The following CLTC variants were observed in gnomAD, a reference collection of about 807,000 sequenced individuals.
The protein encoded by CLTC is clathrin heavy chain 1.
Under a neutral mutation model 195.8 loss-of-function variants are expected in CLTC, and 16 were observed. The ratio of observed to expected loss-of-function variants is 0.08; its 90% CI spans 0.06 to 0.12. The LOEUF is 0.12. Among genes scored for constraint, CLTC ranks in the 10% least tolerant of loss-of-function variants. The pLI, the probability that CLTC is intolerant of heterozygous loss-of-function variation, is 1.00. For synonymous variants in CLTC, 667 were observed against 689.4 expected (o/e 0.97, Z 0.51); for missense variants, 796 against 2,027.0 (o/e 0.39, Z 11.66).
chr17:59,620,894 T>C (rs576800745), intron 1 of CLTC, among the ~76,000 whole-genome samples: 2 of 152,336 alleles, frequency 1.3e-5, no homozygotes, highest in South Asian at 2.1e-4. Flanking sequence ...CCTTTTTTTA[T>C]TTCTCTGGGG....
rs777013895 is a variant in CLTC, at chr17:59,666,678, G to C, written c.1947+34G>C. The C allele has an allele frequency of 2.7e-5, 43 of 1,591,362 alleles. No individual in the cohort carries two copies. The highest frequency in any genetic ancestry group is 3.5e-5 in the Non-Finnish European group (41 of 1,164,822). ...GTTTCTTACCTAATAGATGGTGTTA[G>C]TTGTGATTAATAGGTACACTGAAAA... is the stretch of plus-strand genomic sequence containing the variant. On this transcript the variant is annotated intron_variant, in intron 12 of 31. Coordinates refer to ENST00000269122, the MANE Select transcript of CLTC (RefSeq NM_004859.4). This position sits in a 1 kb window ranked among gnomAD's most constrained non-coding sequence, Gnocchi z 4.9.
At chr17:59,624,354 G>T (rs1226839838) in intron 1 of CLTC, among the ~76,000 whole-genome samples, 1 of 150,896 alleles carries the variant, frequency 6.6e-6, no homozygotes, top group Non-Finnish European at 1.5e-5. Flanking sequence ...CTCTCTACTT[G>T]TTTATAGATT....
intron 10 of CLTC, among the ~76,000 whole-genome samples, chr17:59,665,872 A>AAAATT (rs1201714139): frequency 6.6e-6 from 1 of 152,158 alleles, no homozygotes; most frequent in East Asian, 1.9e-4. Flanking sequence ...AAAATAAAAT[A>AAAATT]AAGGTCTGTC....
At chr17:59,628,167 G>T (rs996017394) in intron 1 of CLTC, among the ~76,000 whole-genome samples, 1 of 152,112 alleles carries the variant, frequency 6.6e-6, no homozygotes, top group African/African-American at 2.4e-5. Flanking sequence ...ATTGCTGAAA[G>T]AATAGGAACC....
chr17:59,685,451 T>C lies in CLTC; in HGVS notation c.4606-136T>C, dbSNP rs2033164242. ...TTATCTCTTCTTTGAAAATTTTAATTTAAATGATACAACTAGGAGGCTTTT... is the reference window on the plus strand; with the variant it reads ...TTATCTCTTCTTTGAAAATTTTAATCTAAATGATACAACTAGGAGGCTTTT... On this transcript the variant is annotated intron_variant, in intron 29 of 31. Coordinates refer to ENST00000269122, the MANE Select transcript of CLTC (RefSeq NM_004859.4). This position sits in a 1 kb window ranked among gnomAD's most constrained non-coding sequence, Gnocchi z 5.0. 2 of 888,484 alleles carry C rather than the reference T, an allele frequency of 2.3e-6. No homozygotes were observed. The highest frequency in any genetic ancestry group is 6.4e-5 in the Admixed American group (2 of 31,452). The allele number at this position is 888,484 out of a possible 1,614,324, so 55.0% of individuals were successfully genotyped here.
chr17:59,693,380 T>A lies in CLTC; in HGVS notation c.4904-348T>A, dbSNP rs535883555. ...AGATTCTTTTTTTTTTTTTTTTTTT[T>A]AAAAAGTCTTTTAAAAAATTCTTTT... On this transcript the variant is annotated intron_variant, in intron 31 of 31. Coordinates refer to ENST00000269122, the MANE Select transcript of CLTC (RefSeq NM_004859.4). Among the ~76,000 whole-genome samples, 909 of 106,140 alleles carry A rather than the reference T, an allele frequency of 8.6e-3. 7 individuals are homozygous for A. Among genetic ancestry groups the A allele is most frequent in the African/African-American group, 0.019 (594 of 31,218 alleles). 69.6% of individuals were successfully genotyped at this position (106,140 alleles called of 152,430 possible).
intron 16 of CLTC, among the ~76,000 whole-genome samples, chr17:59,675,117 A>G (rs1364028024): frequency 6.6e-6 from 1 of 152,170 alleles, no homozygotes; most frequent in Non-Finnish European, 1.5e-5. Context: ...ATATGTTTTT[A>G]TATAAACTAT....
At chr17:59,633,670 TA>T (rs71370108) in intron 1 of CLTC, among the ~76,000 whole-genome samples, 124,213 of 151,978 alleles carry the variant, frequency 0.82, 51,059 homozygotes, top group East Asian at 0.93. Context: ...GGTAGAAAGA[TA>T]ACATGAATAT....
intron 1 of CLTC, among the ~76,000 whole-genome samples, chr17:59,623,015 C>A (rs2031432125): frequency 6.6e-6 from 1 of 152,174 alleles, no homozygotes; most frequent in Non-Finnish European, 1.5e-5. Context: ...ATTGAAGATT[C>A]TATAAAAATC....
At chr17:59,693,688 G>T (rs776898438) in intron 31 of CLTC, 40 bp from the exon 32 acceptor site, 1 of 1,584,228 alleles carries the variant, frequency 6.3e-7, no homozygotes, top group East Asian at 2.3e-5. Flanking sequence ...CTGCCTCCTT[G>T]CCCCTGCCCC....
At chr17:59,651,383 A>C in intron 5 of CLTC, 67 bp downstream of exon 5, 1 of 1,016,104 alleles carries the variant, frequency 9.8e-7, no homozygotes, top group Non-Finnish European at 1.5e-6. Context: ...CCCAAAGACT[A>C]TTCATGGTAG....
At chr17:59,660,352 T>C (rs1249336399) in intron 6 of CLTC, 39 bp from the exon 7 acceptor site, 1 of 1,561,330 alleles carries the variant, frequency 6.4e-7, no homozygotes, top group Non-Finnish European at 8.8e-7. Context: ...TGTATCCAAA[T>C]GAACACATTG....
intron 13 of CLTC, among the ~76,000 whole-genome samples, chr17:59,667,892 T>C (rs1265140119): frequency 6.6e-6 from 1 of 152,230 alleles, no homozygotes; most frequent in African/African-American, 2.4e-5. Context: ...TAGTACTCTA[T>C]TGAGAAGGGG....
At chr17:59,662,084 T>C (rs1039872392) in intron 8 of CLTC, among the ~76,000 whole-genome samples, 2 of 149,878 alleles carry the variant, frequency 1.3e-5, no homozygotes, top group Non-Finnish European at 3.0e-5. Flanking sequence ...GCCTGGGTGA[T>C]AGAACGAGAC....
chr17:59,637,470 T>G (rs2143474999), intron 1 of CLTC, among the ~76,000 whole-genome samples: 1 of 150,100 alleles, frequency 6.7e-6, no homozygotes, highest in South Asian at 2.1e-4. Context: ...AGTCTCAATC[T>G]CCTGACCTCA....
intron 16 of CLTC, among the ~76,000 whole-genome samples, chr17:59,675,897 A>G (rs2032955083): frequency 2.0e-5 from 3 of 152,242 alleles, no homozygotes; most frequent in Admixed American, 6.5e-5. Flanking sequence ...CTTGGATTGC[A>G]CATGTTTATA....
chr17:59,696,524 T>TTAAAGAAAAA lies in CLTC; in HGVS notation c.*2676_*2677insGAAAAATAAA, dbSNP rs1384645076. The TTAAAGAAAAA allele has an allele frequency of 1.6e-5, 1 of 62,738 alleles. No individual in the cohort carries two copies. Among genetic ancestry groups the TTAAAGAAAAA allele is most frequent in the Non-Finnish European group, 2.8e-5 (1 of 35,482 alleles). The allele number at this position is 62,738 out of a possible 1,614,324, so 3.9% of individuals were successfully genotyped here. ...TGTCAGTATCCTCCTAAAAGAAGGC[T>TTAAAGAAAAA]TAAATAGTTTCTAACAAGATGACTA... On this transcript the variant is annotated 3_prime_UTR_variant, in exon 32 of 32. Coordinates refer to ENST00000269122, the MANE Select transcript of CLTC (RefSeq NM_004859.4).
intron 28 of CLTC, among the ~76,000 whole-genome samples, 160 bp from the exon 29 acceptor site, chr17:59,684,896 G>A (rs1319255959): frequency 6.6e-6 from 1 of 151,896 alleles, no homozygotes; most frequent in Non-Finnish European, 1.5e-5. Context: ...AAATCTTGGA[G>A]AAAATGGTAT....
chr17:59,657,213 AC>A (rs139146589), intron 6 of CLTC, among the ~76,000 whole-genome samples: 142 of 152,118 alleles, frequency 9.3e-4, no homozygotes, highest in African/African-American at 3.3e-3. Flanking sequence ...GTGCATCCCT[AC>A]CTACCCATGC....
Sources: gnomAD v4.1 joint callset for allele counts (sites outside exome capture counted in the v4.1 genomes callset) on GRCh38, gnomAD v4.1.1 for gene constraint, Gnocchi (gnomAD v3.1) non-coding constraint, MANE v1.5 for transcripts, NCBI Gene and HGNC (gene_info 2026-07-23, HGNC 2026-07-21) for gene names.